SPECC1L: variants seen among roughly 807,000 people sequenced by gnomAD.
SPECC1L encodes the protein cytospin-A.
Under a neutral mutation model 116.8 loss-of-function variants are expected in SPECC1L, and 40 were observed. That is an observed-to-expected ratio of 0.34 (90% CI 0.27 to 0.45). The LOEUF (loss-of-function observed/expected upper bound fraction) is 0.45, where lower values mean the gene tolerates loss of function less well. Among genes scored for constraint, SPECC1L ranks in the 20% least tolerant of loss-of-function variants. SPECC1L has a pLI of 1.00. For synonymous variants in SPECC1L, 504 were observed against 500.6 expected, an observed-to-expected ratio of 1.01 and a Z score of -0.09; for missense variants, 1,110 against 1,373.6, an observed-to-expected ratio of 0.81 and a Z score of 3.03.
chr22:24,411,536 C>G, intron 14 of SPECC1L, 52 bp from the exon 15 acceptor site: 2 of 1,546,082 alleles, frequency 1.3e-6, no homozygotes, highest in Non-Finnish European at 1.8e-6. Context: ...TTGGCATCTC[C>G]TAAGAGGGTC....
chr22:24,298,897 C>T (rs1219356043), intron 2 of SPECC1L, among the ~76,000 whole-genome samples: 7 of 152,180 alleles, frequency 4.6e-5, no homozygotes, highest in Admixed American at 2.0e-4. Flanking sequence ...CTGGGCACCC[C>T]ATGATGCAGT....
At chr22:24,319,774 A>G (rs1044039239) in intron 4 of SPECC1L, among the ~76,000 whole-genome samples, 14 of 152,264 alleles carry the variant, frequency 9.2e-5, no homozygotes, top group East Asian at 5.8e-4. Context: ...GTTAGTGGCT[A>G]TCTCCCTCTA....
chr22:24,337,424 C>T (rs547558507), intron 9 of SPECC1L, among the ~76,000 whole-genome samples: 15 of 152,226 alleles, frequency 9.9e-5, no homozygotes, highest in African/African-American at 3.4e-4. Context: ...CATACGCTGG[C>T]GGGACAGTGG....
chr22:24,301,816 GCGAGTGGATCA>G, intron 2 of SPECC1L, among the ~76,000 whole-genome samples: 1 of 152,256 alleles, frequency 6.6e-6, no homozygotes, highest in Non-Finnish European at 1.5e-5. Context: ...AGAGGCTGAG[GCGAGTGGATCA>G]CGAGGTCAGG....
At chr22:24,374,085 C>T (rs1601304068) in intron 14 of SPECC1L, among the ~76,000 whole-genome samples, 1 of 152,086 alleles carries the variant, frequency 6.6e-6, no homozygotes, top group East Asian at 1.9e-4. Flanking sequence ...CCATCTCACA[C>T]CAGTTAGAAT....
chr22:24,317,321 C>G (rs544432327), intron 4 of SPECC1L, among the ~76,000 whole-genome samples: 29 of 122,576 alleles, frequency 2.4e-4, no homozygotes, highest in Non-Finnish European at 4.8e-4. Flanking sequence ...GCTGACCCCC[C>G]CCACCTCCCT....
chr22:24,301,828 C>T (rs529629508), intron 2 of SPECC1L, among the ~76,000 whole-genome samples: 7 of 152,202 alleles, frequency 4.6e-5, no homozygotes, highest in South Asian at 4.1e-4. Context: ...GAGTGGATCA[C>T]GAGGTCAGGA....
intron 14 of SPECC1L, among the ~76,000 whole-genome samples, chr22:24,374,239 A>T (rs2041926921): frequency 6.6e-6 from 1 of 152,016 alleles, no homozygotes; most frequent in Admixed American, 6.6e-5. Flanking sequence ...CTAGAACTAG[A>T]AATACCATTT....
intron 6 of SPECC1L, among the ~76,000 whole-genome samples, chr22:24,327,660 A>C (rs1047169711): frequency 2.6e-4 from 40 of 152,242 alleles, no homozygotes; most frequent in Admixed American, 1.3e-3. Context: ...TAAAAAAAAA[A>C]CAAAAACCTA....
intron 8 of SPECC1L, 90 bp downstream of exon 8, chr22:24,330,521 G>T (rs1426416748): frequency 7.1e-7 from 1 of 1,404,070 alleles, no homozygotes; most frequent in Non-Finnish European, 1.0e-6. Context: ...AAAAAATGTG[G>T]AGTTTGATAC....
At chr22:24,330,486 C>T in intron 8 of SPECC1L, 55 bp downstream of exon 8, 6 of 1,588,332 alleles carry the variant, frequency 3.8e-6, no homozygotes, top group Non-Finnish European at 5.2e-6. Flanking sequence ...ACACTTAAAT[C>T]CCAATTTTTG....
chr22:24,330,528 A>G lies in SPECC1L; in HGVS notation c.2396+97A>G, dbSNP rs1790208647. ...TGCTATGGAAAAAATGTGGAGTTTG[A>G]TACTTACTGAGTTTGGATCTGATGG... On this transcript the variant is annotated intron_variant, in intron 8 of 16. Transcript: ENST00000314328. 4.5e-6 allele frequency: 6 copies of G among 1,343,486 alleles called. No individual in the cohort carries two copies. In the Admixed American group the frequency reaches 8.9e-5, roughly 20 times the overall value. 83.2% of individuals were successfully genotyped at this position (1,343,486 alleles called of 1,614,324 possible).
rs1418659924 is a variant in SPECC1L, at chr22:24,390,857, T to TTTTTTTTTTTC, written c.3088-20722_3088-20721insTCTTTTTTTTT. ...CTCTTCTTGGGCCTGTGTTCCTTTT[T>TTTTTTTTTTTC]TTTTTTTTTCTTTTCTTTTTTTTTT... On this transcript the variant is annotated intron_variant, in intron 14 of 16. Coordinates refer to ENST00000314328, the MANE Select transcript of SPECC1L (RefSeq NM_015330.6). 8.0e-5 allele frequency among the ~76,000 whole-genome samples: 7 copies of TTTTTTTTTTTC among 87,858 alleles called. 1 individual carries two copies. The highest frequency in any genetic ancestry group is 1.3e-4 in the Admixed American group (1 of 7,986). The allele number at this position is 87,858 out of a possible 152,430, so 57.6% of individuals were successfully genotyped here.
intron 8 of SPECC1L, among the ~76,000 whole-genome samples, chr22:24,331,465 C>T (rs1416644602): frequency 6.6e-6 from 1 of 152,152 alleles, no homozygotes; most frequent in Non-Finnish European, 1.5e-5. Context: ...AATAACATAT[C>T]AGAAATGCTT....
Position 24,279,568 on chromosome 22 carries a change from TTAATTA to T in SPECC1L, c.-38+2767_-38+2772del, listed in dbSNP as rs1014103452. Among the ~76,000 whole-genome samples, 31 of 142,400 alleles carry T rather than the reference TTAATTA, an allele frequency of 2.2e-4. 1 individual carries two copies. The highest frequency in any genetic ancestry group is 4.2e-4 in the Non-Finnish European group (28 of 67,150). The allele number at this position is 142,400 out of a possible 152,430, so 93.4% of individuals were successfully genotyped here. On this transcript the variant is annotated intron_variant, in intron 2 of 16. Transcript: ENST00000314328. ...AGTTAGAAATGTACATTTTATTTTT[TTAATTA>T]TTATTATTATTATTTATTATTTTAG...
chr22:24,350,175 C>A (rs561308273), intron 11 of SPECC1L, among the ~76,000 whole-genome samples: 2 of 152,068 alleles, frequency 1.3e-5, no homozygotes, highest in Admixed American at 1.3e-4. Flanking sequence ...TCAGCAAGGC[C>A]CTAAGTACCA....
intron 4 of SPECC1L, among the ~76,000 whole-genome samples, chr22:24,314,964 T>C (rs1424474034): frequency 6.6e-6 from 1 of 152,264 alleles, no homozygotes; most frequent in East Asian, 1.9e-4. Flanking sequence ...TTTGATGGAG[T>C]TGATAAATTA....
chr22:24,401,368 T>A (rs1280951323), intron 14 of SPECC1L, among the ~76,000 whole-genome samples: 3 of 152,328 alleles, frequency 2.0e-5, no homozygotes, highest in Admixed American at 6.5e-5. Context: ...TGGATCTGAT[T>A]CCAGTTCATG....
Position 24,414,523 on chromosome 22 carries a change from T to A in SPECC1L, c.3265-11T>A, listed in dbSNP as rs982635842. 5 of 1,613,462 alleles carry A rather than the reference T, an allele frequency of 3.1e-6. No individual in the cohort carries two copies. The African/African-American group carries it at 5.3e-5, about 17-fold the overall frequency. On this transcript the variant is annotated splice_polypyrimidine_tract_variant and intron_variant, in intron 16 of 16. Coordinates refer to ENST00000314328, the MANE Select transcript of SPECC1L (RefSeq NM_015330.6). ...CTGCAGTTCTAACCAAGCGTCTTCC[T>A]TGTCTGTCAGGACATTAATGAAATG...
Sources: gnomAD v4.1 joint callset for allele counts (sites outside exome capture counted in the v4.1 genomes callset) on GRCh38, gnomAD v4.1.1 for gene constraint, MANE v1.5 for transcripts, NCBI Gene and HGNC (gene_info 2026-07-23, HGNC 2026-07-21) for gene names.